GALK2: variants seen among roughly 807,000 people sequenced by gnomAD.
The protein encoded by GALK2 is galactokinase 2, also known as N-acetylgalactosamine kinase.
Under a neutral mutation model 52.4 loss-of-function variants are expected in GALK2, and 36 were observed. The observed-to-expected ratio is 0.69, with a 90% CI of 0.53 to 0.91. The LOEUF (loss-of-function observed/expected upper bound fraction) is 0.91, where lower values mean the gene tolerates loss of function less well. GALK2 is among the 40% of genes least tolerant of loss of function. The pLI, the probability that GALK2 is intolerant of heterozygous loss-of-function variation, is 0.00. For synonymous variants in GALK2, 176 were observed against 199.1 expected, an observed-to-expected ratio of 0.88 and a Z score of 0.98; for missense variants, 579 against 559.1, an observed-to-expected ratio of 1.04 and a Z score of -0.36.
chr15:49,165,708 T>A (rs546292080), upstream of GALK2, among the ~76,000 whole-genome samples: 7 of 152,198 alleles, frequency 4.6e-5, no homozygotes, highest in South Asian at 1.5e-3. Context: ...TTTTTATTGT[T>A]TTGAAAGTGG....
intron 1 of GALK2, chr15:49,195,163 C>T (rs1472683807): frequency 2.2e-5 from 10 of 448,810 alleles, no homozygotes; most frequent in South Asian, 1.4e-4. Context: ...CCTCCGCCTC[C>T]TGGGTTGAAG....
At chr15:49,169,482 C>G (rs1206331024), upstream of GALK2, among the ~76,000 whole-genome samples, 1 of 152,120 alleles carries the variant, frequency 6.6e-6, no homozygotes, top group Non-Finnish European at 1.5e-5. Flanking sequence ...ACCAATCTGC[C>G]TGCCCCCAGT....
intron 3 of GALK2, among the ~76,000 whole-genome samples, chr15:49,352,565 G>A (rs373354812): frequency 6.6e-6 from 1 of 152,144 alleles, no homozygotes; most frequent in South Asian, 2.1e-4. Context: ...GCTTCAGAGC[G>A]CCTACCATAT....
At chr15:49,163,450 A>T (rs958143510) in intron 1 of GALK2, among the ~76,000 whole-genome samples, 1 of 152,054 alleles carries the variant, frequency 6.6e-6, no homozygotes, top group East Asian at 1.9e-4. Context: ...GAAGTTTTAT[A>T]TAGTTTTACC....
intron 3 of GALK2, chr15:49,366,593 T>C: frequency 6.2e-7 from 1 of 1,600,518 alleles, no homozygotes; most frequent in Non-Finnish European, 8.6e-7. Flanking sequence ...TCCAGACGCA[T>C]GCAAGATTGC....
At chr15:49,297,599 T>G (rs2034597523) in intron 8 of GALK2, among the ~76,000 whole-genome samples, 1 of 152,182 alleles carries the variant, frequency 6.6e-6, no homozygotes, top group Admixed American at 6.5e-5. Context: ...TTGAGTTGAT[T>G]TTTGTATATG....
chr15:49,353,456 A>G (rs2151318801), intron 3 of GALK2: 1 of 152,276 alleles, frequency 6.6e-6, no homozygotes, highest in African/African-American at 2.4e-5. Flanking sequence ...CTACGTTGCC[A>G]CAGGATTTTT....
intron 3 of GALK2, among the ~76,000 whole-genome samples, chr15:49,352,705 T>G (rs1228668905): frequency 1.3e-5 from 2 of 152,150 alleles, no homozygotes; most frequent in African/African-American, 2.4e-5. Context: ...GTGAACAAAT[T>G]AAAATAGCTT....
At chr15:49,365,553 A>C in intron 3 of GALK2, 1 of 888,290 alleles carries the variant, frequency 1.1e-6, no homozygotes, top group Non-Finnish European at 1.9e-6. Context: ...CAGTATTTTC[A>C]AAAGGTCCAG....
intron 3 of GALK2, among the ~76,000 whole-genome samples, chr15:49,360,942 C>T (rs1033200667): frequency 2.2e-4 from 33 of 152,076 alleles, no homozygotes; most frequent in African/African-American, 7.7e-4. Flanking sequence ...CATGTGAATC[C>T]TTACACATAG....
chr15:49,201,919 TAGA>T (rs2087814138), intron 2 of GALK2, among the ~76,000 whole-genome samples: 3 of 152,188 alleles, frequency 2.0e-5, no homozygotes, highest in Admixed American at 2.0e-4. Context: ...TTATCAACAA[TAGA>T]AGTTTATTTG....
At chr15:49,227,564 A>C (rs1304365888) in intron 3 of GALK2, among the ~76,000 whole-genome samples, 1 of 151,922 alleles carries the variant, frequency 6.6e-6, no homozygotes, top group African/African-American at 2.4e-5. Context: ...GGCTTATTAT[A>C]GGGTCATGTT....
intron 3 of GALK2, among the ~76,000 whole-genome samples, chr15:49,347,190 T>G (rs1261763137): frequency 6.6e-6 from 1 of 152,160 alleles, no homozygotes; most frequent in Non-Finnish European, 1.5e-5. Flanking sequence ...CTTATTCAAG[T>G]AAAATAATTC....
chr15:49,339,484 C>A (rs890326363), intron 3 of GALK2, among the ~76,000 whole-genome samples: 1 of 152,198 alleles, frequency 6.6e-6, no homozygotes, highest in African/African-American at 2.4e-5. Context: ...CTGCCTGTTC[C>A]TTCCTCTGGA....
At chr15:49,265,513 G>T (rs571887538) in intron 5 of GALK2, among the ~76,000 whole-genome samples, 1 of 152,228 alleles carries the variant, frequency 6.6e-6, no homozygotes, top group Non-Finnish European at 1.5e-5. Context: ...TCCCTGACCC[G>T]TTGCGCTTCC....
chr15:49,354,633 C>A (rs2042802473), intron 3 of GALK2, among the ~76,000 whole-genome samples: 1 of 152,194 alleles, frequency 6.6e-6, no homozygotes, highest in Non-Finnish European at 1.5e-5. Flanking sequence ...GCACAGCAGT[C>A]TGAGATCAAA....
At chr15:49,351,732 G>A (rs2042276542) in intron 3 of GALK2, among the ~76,000 whole-genome samples, 1 of 146,512 alleles carries the variant, frequency 6.8e-6, no homozygotes, top group African/African-American at 2.5e-5. Flanking sequence ...CCTGATAACA[G>A]TCCCAATGGA....
chr15:49,263,829 A>C (rs2092242928), intron 5 of GALK2, among the ~76,000 whole-genome samples: 1 of 143,788 alleles, frequency 7.0e-6, no homozygotes, highest in African/African-American at 2.6e-5. Context: ...TCACTTATGA[A>C]GCTTAGTTTG....
upstream of GALK2, among the ~76,000 whole-genome samples, chr15:49,168,081 T>C (rs979319351): frequency 9.2e-5 from 14 of 152,220 alleles, no homozygotes; most frequent in Admixed American, 3.9e-4. Flanking sequence ...GTTCTAGCTC[T>C]GTTAATCCTG....
Sources: gnomAD v4.1 joint callset for allele counts (sites outside exome capture counted in the v4.1 genomes callset) on GRCh38, gnomAD v4.1.1 for gene constraint, MANE v1.5 for transcripts, NCBI Gene and HGNC (gene_info 2026-07-23, HGNC 2026-07-21) for gene names.